USP28: variants seen among roughly 807,000 people sequenced by gnomAD.
The protein encoded by USP28 is ubiquitin specific peptidase 28, also known as ubiquitin carboxyl-terminal hydrolase 28.
USP28 carries 113 observed loss-of-function variants against 145.0 expected under a neutral mutation model. The observed-to-expected ratio is 0.78, with a 90% confidence interval of 0.67 to 0.91. The LOEUF (loss-of-function observed/expected upper bound fraction) is 0.91, where lower values mean the gene tolerates loss of function less well. Ranked by LOEUF, USP28 falls within the 40% of genes least tolerant of loss-of-function variation. The pLI, the probability that USP28 is intolerant of heterozygous loss-of-function variation, is 0.00. For missense variants in USP28, 1,201 were observed against 1,289.6 expected (o/e 0.93, Z 1.05); for synonymous variants, 447 against 450.9 (o/e 0.99, Z 0.11).
exon 11 of USP28, chr11:113,827,275 A>G (rs1237010852): frequency 6.2e-7 from 1 of 1,612,946 alleles, no homozygotes; most frequent in Non-Finnish European, 8.5e-7. Context: ...CTTATTGTGA[A>G]TTTTCTCTGG....
chr11:113,806,551 G>A, exon 19 of USP28: 1 of 1,599,716 alleles, frequency 6.3e-7, no homozygotes, highest in Non-Finnish European at 8.5e-7. Context: ...GCTATGGCCA[G>A]GATGACCCCT....
intron 3 of USP28, among the ~76,000 whole-genome samples, chr11:113,845,823 C>T (rs1379679706): frequency 1.3e-5 from 2 of 152,340 alleles, no homozygotes; most frequent in Admixed American, 6.5e-5. Flanking sequence ...TATCCACCTG[C>T]CTCAGCCTCC....
At chr11:113,831,610 C>T (rs556370894) in intron 8 of USP28, among the ~76,000 whole-genome samples, 1 of 152,070 alleles carries the variant, frequency 6.6e-6, no homozygotes, top group South Asian at 2.1e-4. Flanking sequence ...CCATCATGTT[C>T]ACAACAGAGG....
At chr11:113,841,351 C>A (rs186478038) in intron 4 of USP28, among the ~76,000 whole-genome samples, 1 of 152,242 alleles carries the variant, frequency 6.6e-6, no homozygotes, top group East Asian at 1.9e-4. Context: ...GCAGCATAAC[C>A]CTCAAAGTTT....
chr11:113,822,189 C>T (rs369888888), intron 12 of USP28, among the ~76,000 whole-genome samples: 1 of 152,104 alleles, frequency 6.6e-6, no homozygotes, highest in African/African-American at 2.4e-5. Flanking sequence ...CAGCGGCTCA[C>T]GCCTATAATC....
At chr11:113,823,497 A>C (rs367668153) in intron 12 of USP28, 108 bp downstream of exon 12, 20 of 912,132 alleles carry the variant, frequency 2.2e-5, no homozygotes, top group East Asian at 1.6e-4. Flanking sequence ...CTGTTTTATA[A>C]AATATTCTAG....
At chr11:113,832,043 A>G (rs756818593) in intron 7 of USP28, 50 bp from the exon 8 acceptor site, 1 of 1,469,810 alleles carries the variant, frequency 6.8e-7, no homozygotes, top group South Asian at 1.2e-5. Flanking sequence ...TACTAAGAGA[A>G]ATTAAAATTT....
At chr11:113,839,239 G>A (rs887000255) in intron 5 of USP28, among the ~76,000 whole-genome samples, 1 of 152,180 alleles carries the variant, frequency 6.6e-6, no homozygotes, top group African/African-American at 2.4e-5. Context: ...ATGAAGGGTA[G>A]TTAAGACCAT....
exon 8 of USP28, chr11:113,831,979 T>C: frequency 6.2e-7 from 1 of 1,613,924 alleles, no homozygotes; most frequent in Non-Finnish European, 8.5e-7. Context: ...TGTGTGTGAA[T>C]TCACTCACAT....
exon 8 of USP28, chr11:113,831,968 T>G (rs776809287): frequency 1.2e-6 from 2 of 1,613,886 alleles, no homozygotes; most frequent in Non-Finnish European, 1.7e-6. Flanking sequence ...ATCCAGGAGC[T>G]TGTGTGTGAA....
rs749287117 is a variant in USP28, at chr11:113,801,686, T to A, written c.2863-8A>T. 6 of 1,550,444 alleles carry A rather than the reference T, an allele frequency of 3.9e-6. No homozygotes were observed. Among genetic ancestry groups the A allele is most frequent in the Non-Finnish European group, 5.3e-6 (6 of 1,135,582 alleles). On this transcript the variant is annotated splice_region_variant and splice_polypyrimidine_tract_variant and intron_variant, in intron 23 of 24. Transcript: ENST00000003302. ...TGCTTTGGCATTCAGCTCCTACAGATAAAAGGTAGAATTAGGTGGGGAAGA... is the reference window on the plus strand; with the variant it reads ...TGCTTTGGCATTCAGCTCCTACAGAAAAAAGGTAGAATTAGGTGGGGAAGA...
At chr11:113,841,415 C>T (rs976363064) in intron 4 of USP28, among the ~76,000 whole-genome samples, 3 of 152,140 alleles carry the variant, frequency 2.0e-5, no homozygotes, top group Non-Finnish European at 4.4e-5. Context: ...TTTTAATTCA[C>T]CCTAGCAATT....
chr11:113,815,504 T>A, intron 13 of USP28, 122 bp from the exon 14 acceptor site: 1 of 899,270 alleles, frequency 1.1e-6, no homozygotes, highest in Non-Finnish European at 1.7e-6. Flanking sequence ...GCATTAACTC[T>A]ATAAAGGTAC....
rs760045765 is a variant in USP28, at chr11:113,801,694, A to G, written c.2863-16T>C. 2.2e-5 allele frequency: 34 copies of G among 1,545,450 alleles called. No individual in the cohort carries two copies. In the African/African-American group the frequency reaches 3.9e-4, roughly 18 times the overall value. The stretch of plus-strand genomic sequence containing the variant: ...CATTCAGCTCCTACAGATAAAAGGT[A>G]GAATTAGGTGGGGAAGAGTCTGAAA... On this transcript the variant is annotated splice_polypyrimidine_tract_variant and intron_variant, in intron 23 of 24. Coordinates refer to ENST00000003302, the Ensembl canonical transcript of USP28.
At chr11:113,818,104 A>C in intron 12 of USP28, 45 of 350,558 alleles carry the variant, frequency 1.3e-4, no homozygotes, top group East Asian at 4.2e-4. Flanking sequence ...ACACTTTCTC[A>C]TGATGTCATA....
intron 1 of USP28, among the ~76,000 whole-genome samples, chr11:113,856,292 C>T (rs1251858007): frequency 6.6e-6 from 1 of 152,050 alleles, no homozygotes; most frequent in Admixed American, 6.6e-5. Context: ...GTGGAATAAT[C>T]GAGAGGGGGA....
intron 12 of USP28, chr11:113,821,576 AG>A: frequency 5.3e-6 from 1 of 189,398 alleles, no homozygotes. Flanking sequence ...TTGAAGGGGC[AG>A]GGGACAGCCA....
chr11:113,867,389 C>T (rs1253257271), intron 1 of USP28, among the ~76,000 whole-genome samples: 1 of 152,036 alleles, frequency 6.6e-6, no homozygotes, highest in Non-Finnish European at 1.5e-5. Context: ...GCCTCAGCCT[C>T]CCAAGTAGCT....
chr11:113,866,537 G>T (rs1948266133), intron 1 of USP28, among the ~76,000 whole-genome samples: 1 of 152,174 alleles, frequency 6.6e-6, no homozygotes, highest in African/African-American at 2.4e-5. Context: ...ATAAGTTTAT[G>T]AAGACACTTA....
Sources: allele counts gnomAD v4.1 joint callset (sites outside exome capture counted in the v4.1 genomes callset), GRCh38; gene constraint gnomAD v4.1.1; transcripts MANE v1.5; gene names NCBI Gene and HGNC (gene_info 2026-07-23, HGNC 2026-07-21).